CDK5RAP2: variants seen among roughly 807,000 people sequenced by gnomAD.
CDK5RAP2 encodes the protein CDK5 regulatory subunit-associated protein 2.
In CDK5RAP2, 147 loss-of-function variants were observed where a neutral mutation model predicts 232.9. The observed-to-expected ratio is 0.63, with a 90% confidence interval of 0.55 to 0.72. The LOEUF is 0.72. Among genes scored for constraint, CDK5RAP2 ranks in the 30% least tolerant of loss-of-function variants. The pLI is 0.00. For missense variants in CDK5RAP2, 2,195 were observed against 2,231.5 expected, an observed-to-expected ratio of 0.98 and a Z score of 0.33; for synonymous variants, 833 against 833.7, an observed-to-expected ratio of 1.00 and a Z score of 0.01.
At chr9:120,518,737 AAAAAG>A (rs1433124966) in intron 11 of CDK5RAP2, 92 bp from the exon 12 acceptor site, 4 of 976,202 alleles carry the variant, frequency 4.1e-6, no homozygotes, top group Non-Finnish European at 6.4e-6. Flanking sequence ...CGTGGGGGAA[AAAAAG>A]AAAAGAAAAA....
intron 3 of CDK5RAP2, among the ~76,000 whole-genome samples, chr9:120,561,103 A>C (rs773906959): frequency 6.6e-6 from 1 of 152,184 alleles, no homozygotes; most frequent in Non-Finnish European, 1.5e-5. Flanking sequence ...AAAAACCATG[A>C]ACTTGGCTAC....
At chr9:120,402,700 C>T in intron 34 of CDK5RAP2, 106 bp downstream of exon 34, 1 of 1,303,498 alleles carries the variant, frequency 7.7e-7, no homozygotes, top group Non-Finnish European at 1.1e-6. Context: ...CCTGGTCCCT[C>T]TTCTCAGGGT....
chr9:120,421,607 C>T (rs956151394), intron 26 of CDK5RAP2, among the ~76,000 whole-genome samples: 2 of 152,170 alleles, frequency 1.3e-5, no homozygotes, highest in East Asian at 3.8e-4. Flanking sequence ...GAGGAAAGTA[C>T]ACAGCAACAA....
intron 12 of CDK5RAP2, among the ~76,000 whole-genome samples, chr9:120,496,398 C>G (rs1166207541): frequency 6.1e-5 from 9 of 146,572 alleles, no homozygotes; most frequent in African/African-American, 2.3e-4. Flanking sequence ...GGTCAGCCCC[C>G]CCGCCCAGCC....
intron 32 of CDK5RAP2, among the ~76,000 whole-genome samples, chr9:120,404,502 A>G (rs530130768): frequency 1.3e-5 from 2 of 152,328 alleles, no homozygotes; most frequent in East Asian, 3.9e-4. Flanking sequence ...CTATGGTAAG[A>G]AGGAGGGAAA....
intron 7 of CDK5RAP2, among the ~76,000 whole-genome samples, chr9:120,531,188 G>A (rs924460008): frequency 1.1e-4 from 16 of 151,666 alleles, no homozygotes; most frequent in African/African-American, 2.2e-4. Flanking sequence ...GTTCTCTCCC[G>A]AAGCCAGACT....
intron 4 of CDK5RAP2, among the ~76,000 whole-genome samples, chr9:120,546,939 T>C (rs920997942): frequency 1.3e-5 from 2 of 152,056 alleles, no homozygotes; most frequent in African/African-American, 4.8e-5. Flanking sequence ...TAATAATCCA[T>C]GCCAATTTTA....
At chr9:120,467,621 A>G (rs1018034861) in intron 18 of CDK5RAP2, among the ~76,000 whole-genome samples, 3 of 152,210 alleles carry the variant, frequency 2.0e-5, no homozygotes, top group African/African-American at 4.8e-5. Context: ...GTTTGTATAC[A>G]TACATACATA....
intron 7 of CDK5RAP2, 42 bp from the exon 8 acceptor site, chr9:120,530,182 T>C: frequency 3.3e-6 from 5 of 1,530,280 alleles, no homozygotes; most frequent in Non-Finnish European, 4.5e-6. Flanking sequence ...TAAGCTGTTC[T>C]CTTAGCTCAG....
At position 120,524,971 on chromosome 9, in the gene CDK5RAP2, C is replaced by CA; in HGVS notation, c.1092+14dup. 1 of 1,599,394 alleles carries CA rather than the reference C, an allele frequency of 6.3e-7. No homozygotes were observed. Among genetic ancestry groups the CA allele is most frequent in the Non-Finnish European group, 8.6e-7 (1 of 1,166,620 alleles). On this transcript the variant is annotated intron_variant, in intron 11 of 37. Coordinates refer to ENST00000349780, the MANE Select transcript of CDK5RAP2 (RefSeq NM_018249.6). ...GGATCAAAGAGACAGCCACTTAAGC[C>CA]AAGTGTACACTTACCTGAAATTCCT...
intron 7 of CDK5RAP2, among the ~76,000 whole-genome samples, chr9:120,534,094 C>G (rs900019147): frequency 6.6e-6 from 1 of 152,178 alleles, no homozygotes; most frequent in Non-Finnish European, 1.5e-5. Flanking sequence ...CTTGTCATTC[C>G]CTGAAGCCCC....
At chr9:120,481,970 T>C (rs941293977) in intron 14 of CDK5RAP2, among the ~76,000 whole-genome samples, 9 of 152,232 alleles carry the variant, frequency 5.9e-5, no homozygotes, top group African/African-American at 9.7e-5. Context: ...ATTATTCTTA[T>C]GCTCCAAGTG....
At chr9:120,452,466 C>T (rs182908091) in intron 21 of CDK5RAP2, among the ~76,000 whole-genome samples, 1 of 152,082 alleles carries the variant, frequency 6.6e-6, no homozygotes, top group East Asian at 1.9e-4. Flanking sequence ...CAGTTGATTT[C>T]TCAAATACAA....
At chr9:120,426,206 G>A (rs916067879) in intron 25 of CDK5RAP2, among the ~76,000 whole-genome samples, 13 of 152,350 alleles carry the variant, frequency 8.5e-5, no homozygotes, top group South Asian at 4.1e-4. Flanking sequence ...AAGCCAAAAA[G>A]TATATGAGAC....
intron 12 of CDK5RAP2, among the ~76,000 whole-genome samples, chr9:120,494,869 C>T (rs1446396693): frequency 8.4e-5 from 11 of 130,522 alleles, no homozygotes; most frequent in South Asian, 6.8e-4. Flanking sequence ...GGCTGCGCTG[C>T]GGCCCGGGGC....
intron 32 of CDK5RAP2, among the ~76,000 whole-genome samples, chr9:120,405,860 G>A (rs1450036161): frequency 6.6e-6 from 1 of 152,060 alleles, no homozygotes; most frequent in Non-Finnish European, 1.5e-5. Flanking sequence ...GAAAGCACAG[G>A]GAACATGTAT....
Position 120,570,228 on chromosome 9 carries a change from C to T in CDK5RAP2, c.127+1746G>A, listed in dbSNP as rs370180117. On this transcript the variant is annotated intron_variant, in intron 2 of 37. Transcript: ENST00000349780. ...GGCACGCTAGTTTGTTTTCCTGTTC[C>T]TCAAACGGGCCATGCCCTCACCTGT... is the stretch of plus-strand genomic sequence containing the variant. Among the ~76,000 whole-genome samples the T allele has an allele frequency of 5.1e-4, 78 of 152,226 alleles. 2 individuals carry two copies. In the South Asian group the frequency reaches 0.015, roughly 29 times the overall value.
At chr9:120,470,358 TAC>T in intron 16 of CDK5RAP2, 138 bp from the exon 17 acceptor site, 1 of 575,660 alleles carries the variant, frequency 1.7e-6, no homozygotes, top group Non-Finnish European at 3.1e-6. Context: ...GGGAGCATAG[TAC>T]ACAGAGGGGG....
intron 36 of CDK5RAP2, among the ~76,000 whole-genome samples, chr9:120,392,843 G>A (rs2032114783): frequency 2.6e-5 from 4 of 152,140 alleles, no homozygotes; most frequent in Non-Finnish European, 5.9e-5. Flanking sequence ...CTGCCCACCT[G>A]GGGGACTGCT....
Sources: allele counts gnomAD v4.1 joint callset (sites outside exome capture counted in the v4.1 genomes callset), GRCh38; gene constraint gnomAD v4.1.1; transcripts MANE v1.5; gene names NCBI Gene and HGNC (gene_info 2026-07-23, HGNC 2026-07-21).